POLR1B: variants seen among roughly 807,000 people sequenced by gnomAD.
POLR1B encodes the protein DNA-directed RNA polymerase I subunit RPA2.
Under a neutral mutation model 105.8 loss-of-function variants are expected in POLR1B, and 30 were observed. The observed-to-expected ratio is 0.28, with a 90% confidence interval of 0.21 to 0.38. The LOEUF is 0.38. Ranked by LOEUF, POLR1B falls within the 10% of genes least tolerant of loss-of-function variation. The probability of loss-of-function intolerance (pLI) is 1.00; values close to 1 mark genes in which losing one functional copy is unlikely to be tolerated. For missense variants in POLR1B, 976 were observed against 1,435.8 expected (o/e 0.68, Z 5.17); for synonymous variants, 485 against 505.1 (o/e 0.96, Z 0.53).
rs1237306434 is a variant in POLR1B at position 112,579,258 on chromosome 2, A to T, written c.*3529A>T. Among the ~76,000 whole-genome samples, 1 of 147,670 alleles carries T rather than the reference A, an allele frequency of 6.8e-6. No individual in the cohort carries two copies. Among genetic ancestry groups the T allele is most frequent in the Non-Finnish European group, 1.5e-5 (1 of 66,716 alleles). On this transcript the variant is annotated 3_prime_UTR_variant, in exon 15 of 15. Coordinates refer to ENST00000263331, the MANE Select transcript of POLR1B (RefSeq NM_019014.6). ...AAAAAAAAGGAAAGCAAAATTGTAG[A>T]TAAGGAGGACTACTATACAGGTTAT...
rs1684995959 is a variant in POLR1B at position 112,579,249 on chromosome 2, A to T, written c.*3520A>T. ...AAAAAAAAAAAAAAAAAGGAAAGCAAAATTGTAGATAAGGAGGACTACTAT... is the reference window on the plus strand; with the variant it reads ...AAAAAAAAAAAAAAAAAGGAAAGCATAATTGTAGATAAGGAGGACTACTAT... On this transcript the variant is annotated 3_prime_UTR_variant, in exon 15 of 15. Coordinates refer to ENST00000263331, the MANE Select transcript of POLR1B (RefSeq NM_019014.6). Among the ~76,000 whole-genome samples the T allele has an allele frequency of 6.7e-6, 1 of 149,362 alleles. No individual in the cohort carries two copies. Among genetic ancestry groups the T allele is most frequent in the Non-Finnish European group, 1.5e-5 (1 of 67,184 alleles).
At chr2:112,565,590 C>G (rs1466017392) in intron 10 of POLR1B, among the ~76,000 whole-genome samples, 1 of 151,016 alleles carries the variant, frequency 6.6e-6, no homozygotes, top group Non-Finnish European at 1.5e-5. Context: ...AGACGGGTCT[C>G]ACTCTGTTGC....
At chr2:112,567,901 T>C (rs532337218) in intron 10 of POLR1B, 66 bp from the exon 11 acceptor site, 7 of 1,392,232 alleles carry the variant, frequency 5.0e-6, no homozygotes, top group East Asian at 4.6e-5. Context: ...CCATGGGGCA[T>C]AAGACTGGCA....
intron 6 of POLR1B, among the ~76,000 whole-genome samples, 189 bp downstream of exon 6, chr2:112,552,187 C>T (rs1179273864): frequency 6.6e-6 from 1 of 151,992 alleles, no homozygotes; most frequent in Non-Finnish European, 1.5e-5. Context: ...TTTTAGTAGT[C>T]GTGTTTTATT....
At chr2:112,568,928 T>G (rs573082304) in intron 12 of POLR1B, 26 bp downstream of exon 12, 2 of 1,599,956 alleles carry the variant, frequency 1.3e-6, no homozygotes, top group African/African-American at 2.7e-5. Flanking sequence ...GATGTTACAG[T>G]CACAATCAGG....
chr2:112,550,011 C>G (rs1683280970), intron 4 of POLR1B, among the ~76,000 whole-genome samples: 1 of 152,170 alleles, frequency 6.6e-6, no homozygotes, highest in Non-Finnish European at 1.5e-5. Context: ...TTCACTTTTG[C>G]TAACTGAAAG....
At chr2:112,570,105 G>A (rs1282640392) in intron 12 of POLR1B, among the ~76,000 whole-genome samples, 1 of 150,282 alleles carries the variant, frequency 6.7e-6, no homozygotes, top group Non-Finnish European at 1.5e-5. Context: ...CTGGAGTGCA[G>A]TGGTACAATC....
In POLR1B at chr2:112,557,238, A is replaced by G. The variant is rs563251915; in HGVS notation, c.1159-672A>G. Among the ~76,000 whole-genome samples the G allele has an allele frequency of 1.6e-4, 24 of 152,360 alleles. No homozygotes were observed. In the South Asian group the frequency reaches 4.8e-3, roughly 30 times the overall value. ...GAGGTTGAGGCTGCAGTGAAAAAAT[A>G]TACAACAAATATAGTTAACTGTATT... On this transcript the variant is annotated intron_variant, in intron 7 of 14. Coordinates refer to ENST00000263331, the MANE Select transcript of POLR1B (RefSeq NM_019014.6).
chr2:112,542,658 G>C lies in POLR1B; in HGVS notation c.164G>C (p.Gly55Ala), dbSNP rs1260710660. Reference protein sequence around the residue: ...SFNYAVHEGLGLAVQAIPPFE... With the variant: ...SFNYAVHEGLALAVQAIPPFE... Reference sequence around the variant, plus strand: ...AACTACGCTGTGCACGAGGGTCTCGGCCTCGCGGTGCAGGTGAGCGCGGCG... The same window carrying C: ...AACTACGCTGTGCACGAGGGTCTCGCCCTCGCGGTGCAGGTGAGCGCGGCG... The change falls in exon 1 of 15, where the codon GGC (glycine) becomes GCC (alanine). Residue 55 changes from glycine (G) to alanine (A), a missense_variant. Physicochemically the swap from Gly to Ala is moderately conservative, Grantham distance 60. Coordinates refer to ENST00000263331, the MANE Select transcript of POLR1B (RefSeq NM_019014.6). The C allele has an allele frequency of 6.2e-7, 1 of 1,613,412 alleles. No individual in the cohort carries two copies. Among genetic ancestry groups the C allele is most frequent in the Non-Finnish European group, 8.5e-7 (1 of 1,179,826 alleles).
At chr2:112,569,487 T>A (rs758418826) in intron 12 of POLR1B, among the ~76,000 whole-genome samples, 2 of 152,154 alleles carry the variant, frequency 1.3e-5, no homozygotes, top group Non-Finnish European at 2.9e-5. Flanking sequence ...ACTTAAAAGT[T>A]GTTGTTACAC....
chr2:112,547,669 G>C lies in POLR1B; in HGVS notation c.492+102G>C, dbSNP rs1683127331. Reference sequence around the variant, plus strand: ...TTTTCTTTCTGTGCTCCAATTTCTGGATAGGTGAAAGAGATATCAGTATCT... The same window carrying C: ...TTTTCTTTCTGTGCTCCAATTTCTGCATAGGTGAAAGAGATATCAGTATCT... On this transcript the variant is annotated intron_variant, in intron 3 of 14. Transcript: ENST00000263331. 3 of 1,335,924 alleles carry C rather than the reference G, an allele frequency of 2.2e-6. No individual in the cohort carries two copies. In the South Asian group the frequency reaches 4.2e-5, roughly 19 times the overall value. The allele number at this position is 1,335,924 out of a possible 1,614,324, so 82.8% of individuals were successfully genotyped here.
chr2:112,545,461 G>A (rs13015669), intron 1 of POLR1B, among the ~76,000 whole-genome samples: 83,541 of 151,920 alleles, frequency 0.55, 23,267 homozygotes, highest in Middle Eastern at 0.69. Flanking sequence ...CCAGAGGCTC[G>A]CAGGAAGCTA....
rs1574100724 is a variant in POLR1B at position 112,552,761 on chromosome 2, G to C, written c.1103G>C (p.Ser368Thr). 6.2e-7 allele frequency: 1 copy of C among 1,609,638 alleles called. No individual in the cohort carries two copies. Among genetic ancestry groups the C allele is most frequent in the Non-Finnish European group, 8.5e-7 (1 of 1,178,380 alleles). ...GAGTGCATGGAGGACAATCCTGATA[G>C]TTTGGTGAACCAGGAAGTCCTCACA... Reference protein sequence around the residue: ...KGECMEDNPDSLVNQEVLTPG... With the variant: ...KGECMEDNPDTLVNQEVLTPG... The change falls in exon 7 of 15, where the codon AGT (serine) becomes ACT (threonine). Residue 368 changes from serine (S) to threonine (T), a missense_variant. Transcript: ENST00000263331.
At chr2:112,564,525 C>A in intron 10 of POLR1B, 26 bp downstream of exon 10, 1 of 1,613,988 alleles carries the variant, frequency 6.2e-7, no homozygotes, top group South Asian at 1.1e-5. Flanking sequence ...TGTGAATTGT[C>A]CTATCCCTTG....
chr2:112,566,944 G>C (rs12995202), intron 10 of POLR1B, among the ~76,000 whole-genome samples: 34,597 of 151,896 alleles, frequency 0.23, 4,141 homozygotes, highest in Middle Eastern at 0.27. Context: ...TGTTGCCCCG[G>C]CTGGTCTCGA....
chr2:112,578,140 G>T lies in POLR1B; in HGVS notation c.*2411G>T, dbSNP rs907976172. ...CTGTAGATTCACCACTAAGAAATTG[G>T]CATTGGAACAGTCCACAGAGCTTAT... On this transcript the variant is annotated 3_prime_UTR_variant, in exon 15 of 15. Transcript: ENST00000263331. 6.6e-6 allele frequency among the ~76,000 whole-genome samples: 1 copy of T among 152,140 alleles called. No homozygotes were observed. Among genetic ancestry groups the T allele is most frequent in the African/African-American group, 2.4e-5 (1 of 41,434 alleles).
chr2:112,545,736 A>G (rs1420928163), intron 1 of POLR1B: 1 of 237,228 alleles, frequency 4.2e-6, no homozygotes, highest in Non-Finnish European at 8.6e-6. Flanking sequence ...ACCTTCCAGG[A>G]TCAAGTGATC....
At chr2:112,553,126 T>G (rs1007444962) in intron 7 of POLR1B, among the ~76,000 whole-genome samples, 7 of 152,216 alleles carry the variant, frequency 4.6e-5, no homozygotes, top group Non-Finnish European at 1.0e-4. Context: ...TATTTGTGAA[T>G]TCACTCACTG....
chr2:112,565,451 A>G (rs1684227594), intron 10 of POLR1B, among the ~76,000 whole-genome samples: 1 of 152,212 alleles, frequency 6.6e-6, no homozygotes, highest in Non-Finnish European at 1.5e-5. Flanking sequence ...TTTCTCTTCA[A>G]TAACCACAGT....
Sources: gnomAD v4.1 joint callset for allele counts (sites outside exome capture counted in the v4.1 genomes callset) on GRCh38, gnomAD v4.1.1 for gene constraint, MANE v1.5 for transcripts, NCBI Gene and HGNC (gene_info 2026-07-23, HGNC 2026-07-21) for gene names.